Variants in POU6F2 observed in about 807,000 individuals in gnomAD.
POU6F2 encodes POU domain, class 6, transcription factor 2.
POU6F2 carries 31 observed loss-of-function variants against 71.3 expected under a neutral mutation model. That is an observed-to-expected ratio of 0.43 (90% CI 0.33 to 0.59). The LOEUF is 0.59. POU6F2 is among the 20% of genes least tolerant of loss of function. POU6F2 has a pLI of 0.04. For missense variants in POU6F2, 783 were observed against 856.8 expected, an observed-to-expected ratio of 0.91 and a Z score of 1.07; for synonymous variants, 347 against 355.7, an observed-to-expected ratio of 0.98 and a Z score of 0.27.
intron 1 of POU6F2, among the ~76,000 whole-genome samples, chr7:39,068,143 G>A (rs1485108642): frequency 6.6e-6 from 1 of 152,034 alleles, no homozygotes; most frequent in Admixed American, 6.5e-5. Context: ...TTTTTACCAT[G>A]CACTCTTAAT....
At chr7:39,413,167 A>T in intron 6 of POU6F2, among the ~76,000 whole-genome samples, 1 of 151,950 alleles carries the variant, frequency 6.6e-6, no homozygotes, top group East Asian at 1.9e-4. Context: ...CAAAAAAAAT[A>T]ATTAATTAAT....
chr7:39,076,355 T>C lies in POU6F2; in HGVS notation c.106-9505T>C, dbSNP rs79614121. Among the ~76,000 whole-genome samples, 862 of 152,226 alleles carry C rather than the reference T, an allele frequency of 5.7e-3. 11 individuals carry two copies. The highest frequency in any genetic ancestry group is 0.019 in the African/African-American group (791 of 41,534). On this transcript the variant is annotated intron_variant, in intron 1 of 9. Transcript: ENST00000518318. ...CCAGTACTGGGAATTTCAACACATG[T>C]CTGCCTGCCAGGGACTCAAACATCT... is the stretch of plus-strand genomic sequence containing the variant.
intron 2 of POU6F2, among the ~76,000 whole-genome samples, chr7:39,143,339 A>C (rs1396218818): frequency 6.6e-6 from 1 of 152,192 alleles, no homozygotes; most frequent in African/African-American, 2.4e-5. Context: ...TCACCTTCAC[A>C]GGGTTTGGCC....
At chr7:39,441,990 A>T (rs557337767) in intron 7 of POU6F2, among the ~76,000 whole-genome samples, 1 of 152,370 alleles carries the variant, frequency 6.6e-6, no homozygotes, top group East Asian at 1.9e-4. Flanking sequence ...ATTATCATTT[A>T]TCTACAACAA....
At chr7:39,187,345 G>A (rs1175697973) in intron 2 of POU6F2, among the ~76,000 whole-genome samples, 1 of 152,196 alleles carries the variant, frequency 6.6e-6, no homozygotes, top group Non-Finnish European at 1.5e-5. Flanking sequence ...TCGCCTGCCT[G>A]TTCCACCCCA....
chr7:39,165,216 G>A (rs1247609927), intron 2 of POU6F2, among the ~76,000 whole-genome samples: 2 of 152,140 alleles, frequency 1.3e-5, no homozygotes, highest in East Asian at 1.9e-4. Flanking sequence ...ATAAAGTGGT[G>A]TCTCAGGTGA....
intron 1 of POU6F2, among the ~76,000 whole-genome samples, chr7:39,000,550 CACACACACACACACA>C (rs1788875915): frequency 6.6e-6 from 1 of 151,540 alleles, no homozygotes; most frequent in Non-Finnish European, 1.5e-5. Flanking sequence ...CACACACACA[CACACACACACACACA>C]CCCTCCCAAC....
intron 4 of POU6F2, among the ~76,000 whole-genome samples, chr7:39,266,140 C>A (rs1342525579): frequency 6.6e-6 from 1 of 152,148 alleles, no homozygotes; most frequent in Non-Finnish European, 1.5e-5. Flanking sequence ...GGATTGGAAT[C>A]CAGCTGGGTT....
intron 5 of POU6F2, among the ~76,000 whole-genome samples, chr7:39,370,514 C>T (rs560919185): frequency 1.3e-5 from 2 of 152,234 alleles, no homozygotes; most frequent in Admixed American, 1.3e-4. Context: ...TGCGTGTGCT[C>T]CTGGATGTCT....
chr7:39,082,231 G>T (rs10499612), intron 1 of POU6F2, among the ~76,000 whole-genome samples: 1 of 152,016 alleles, frequency 6.6e-6, no homozygotes, highest in East Asian at 1.9e-4. Flanking sequence ...TTTTTCCACC[G>T]TCTGGTTCTT....
intron 5 of POU6F2, among the ~76,000 whole-genome samples, chr7:39,355,903 C>A (rs185710459): frequency 1.2e-3 from 185 of 152,132 alleles, no homozygotes; most frequent in Admixed American, 2.1e-3. Context: ...AAGCACAGAA[C>A]CCCACAGGGA....
At chr7:39,320,037 C>T (rs1166599975) in intron 4 of POU6F2, among the ~76,000 whole-genome samples, 1 of 152,166 alleles carries the variant, frequency 6.6e-6, no homozygotes, top group Non-Finnish European at 1.5e-5. Context: ...GACTTTAAGC[C>T]GGCTCAGAGG....
At chr7:38,994,926 C>T (rs1232311036) in intron 1 of POU6F2, among the ~76,000 whole-genome samples, 1 of 152,172 alleles carries the variant, frequency 6.6e-6, no homozygotes, top group Non-Finnish European at 1.5e-5. Flanking sequence ...TTCCCCAGTC[C>T]TTAACTTCCA....
At chr7:39,133,265 T>C (rs889167737) in intron 2 of POU6F2, among the ~76,000 whole-genome samples, 10 of 152,240 alleles carry the variant, frequency 6.6e-5, no homozygotes, top group African/African-American at 2.4e-4. Flanking sequence ...GGCACGCATG[T>C]GACTAATACG....
chr7:39,011,294 C>T (rs12668601), intron 1 of POU6F2, among the ~76,000 whole-genome samples: 48,986 of 149,192 alleles, frequency 0.33, 8,467 homozygotes, highest in East Asian at 0.68. Context: ...TTCTTTGTCT[C>T]TTTTGATCTT....
intron 4 of POU6F2, among the ~76,000 whole-genome samples, chr7:39,254,784 G>T (rs1783988165): frequency 6.6e-6 from 1 of 152,114 alleles, no homozygotes; most frequent in African/African-American, 2.4e-5. Context: ...AATATGATCT[G>T]CCCTGCTCAT....
rs1446819293 is a variant in POU6F2, at chr7:39,466,385, G to C, written c.*1699G>C. 1 of 152,256 alleles carries C rather than the reference G, an allele frequency of 6.6e-6. No homozygotes were observed. Among genetic ancestry groups the C allele is most frequent in the African/African-American group, 2.4e-5 (1 of 41,464 alleles). The allele number at this position is 152,256 out of a possible 1,614,324, so 9.4% of individuals were successfully genotyped here. On this transcript the variant is annotated 3_prime_UTR_variant, in exon 10 of 10. Transcript: ENST00000518318. ...CTGTGCAGGTGAGCACTTGGCAGCT[G>C]CCACTGGTGTTTTCACCCAGGTACA... is the stretch of plus-strand genomic sequence containing the variant.
intron 1 of POU6F2, among the ~76,000 whole-genome samples, chr7:39,040,637 T>C (rs1242755723): frequency 3.9e-5 from 6 of 151,942 alleles, no homozygotes; most frequent in Non-Finnish European, 8.8e-5. Context: ...CTGGGTAATT[T>C]TAATTTTCTT....
At chr7:39,245,411 A>G (rs1783803553) in intron 4 of POU6F2, among the ~76,000 whole-genome samples, 1 of 152,134 alleles carries the variant, frequency 6.6e-6, no homozygotes, top group South Asian at 2.1e-4. Context: ...CATTCTGTTT[A>G]TTATTTAGAC....
Sources: allele counts gnomAD v4.1 joint callset (sites outside exome capture counted in the v4.1 genomes callset), GRCh38; gene constraint gnomAD v4.1.1; transcripts MANE v1.5; gene names NCBI Gene and HGNC (gene_info 2026-07-23, HGNC 2026-07-21).